The following TET1 variants were observed in gnomAD, a reference collection of about 807,000 sequenced individuals.
TET1 encodes methylcytosine dioxygenase TET1.
A neutral mutation model predicts 148.7 loss-of-function variants in TET1; 13 were observed. The observed-to-expected ratio is 0.09, with a 90% CI of 0.06 to 0.14. The LOEUF (loss-of-function observed/expected upper bound fraction) is 0.14. TET1 is among the 10% of genes least tolerant of loss of function. The pLI, the probability that TET1 is intolerant of heterozygous loss-of-function variation, is 1.00. For missense variants in TET1, 2,182 were observed against 2,553.8 expected (o/e 0.85, Z 3.14); for synonymous variants, 907 against 937.2 (o/e 0.97, Z 0.59).
intron 2 of TET1, among the ~76,000 whole-genome samples, chr10:68,597,227 T>G (rs2053999669): frequency 6.6e-6 from 1 of 151,584 alleles, no homozygotes. Flanking sequence ...AGAGATGAGG[T>G]TTCATCATAT....
Position 68,693,340 on chromosome 10 carries a change from T to G in TET1, c.*1526T>G, listed in dbSNP as rs749393230. 1.7e-5 allele frequency: 4 copies of G among 233,164 alleles called. No homozygotes were observed. The highest frequency in any genetic ancestry group is 3.4e-5 in the Non-Finnish European group (4 of 117,878). 14.4% of individuals were successfully genotyped at this position (233,164 alleles called of 1,614,324 possible). A position where few individuals can be genotyped will look rare whatever the true frequency, so the allele number is the denominator to read the frequency against. ...CAAAGTGTCAGATTCCTTGGGAGTA[T>G]GGAAAACCTAATGGTGCTTCTCCCT... On this transcript the variant is annotated 3_prime_UTR_variant, in exon 12 of 12. Transcript: ENST00000373644.
chr10:68,640,976 G>A (rs1399477121), intron 3 of TET1, among the ~76,000 whole-genome samples: 4 of 150,118 alleles, frequency 2.7e-5, no homozygotes, highest in Non-Finnish European at 3.0e-5. Flanking sequence ...TATGATGGTC[G>A]CATTTTAGTG....
At chr10:68,661,895 T>G (rs1304511101) in intron 6 of TET1, among the ~76,000 whole-genome samples, 10 of 101,742 alleles carry the variant, frequency 9.8e-5, no homozygotes, top group African/African-American at 2.8e-4. Context: ...TTTTTTTTTT[T>G]TGTGAGATGG....
At chr10:68,609,549 T>A (rs2054177462) in intron 3 of TET1, among the ~76,000 whole-genome samples, 1 of 152,226 alleles carries the variant, frequency 6.6e-6, no homozygotes, top group African/African-American at 2.4e-5. Flanking sequence ...TAAGCAATCA[T>A]CCTGCCTTAG....
rs935570059 is a variant in TET1, at chr10:68,646,498, G to A, written c.3769G>A (p.Val1257Ile). 6.8e-6 allele frequency: 11 copies of A among 1,614,062 alleles called. No homozygotes were observed. Among genetic ancestry groups the A allele is most frequent in the South Asian group, 1.1e-5 (1 of 91,088 alleles). The part of the protein sequence containing the change: ...YPESAEEKVK[V>I]EPLDSLSLFH... ...TGAATCAGCAGAGGAAAAGGTGAAG[G>A]TTGAACCATTGGATTCACTCAGCTT... is the stretch of plus-strand genomic sequence containing the variant. The change falls in exon 4 of 12, where the codon GTT (valine) becomes ATT (isoleucine). Residue 1257 changes from valine (V) to isoleucine (I), a missense_variant. Coordinates refer to ENST00000373644, the MANE Select transcript of TET1 (RefSeq NM_030625.3).
chr10:68,598,565 T>C (rs2054013825), intron 2 of TET1, among the ~76,000 whole-genome samples: 1 of 152,188 alleles, frequency 6.6e-6, no homozygotes, highest in Non-Finnish European at 1.5e-5. Context: ...GAGCTTCTTA[T>C]AGATAGTGTG....
chr10:68,656,448 G>A (rs1426549133), intron 6 of TET1, among the ~76,000 whole-genome samples: 1 of 152,142 alleles, frequency 6.6e-6, no homozygotes, highest in African/African-American at 2.4e-5. Context: ...ATTTTTAGTA[G>A]AGACGTGGTT....
rs576405399 is a variant in TET1 at position 68,665,258 on chromosome 10, G to A, written c.4462-1787G>A. Reference sequence around the variant, plus strand: ...AGATTCATTTTCTTTCATAAACTTTGGAACAATTGGTCAGTTTACACATAC... The same window carrying A: ...AGATTCATTTTCTTTCATAAACTTTAGAACAATTGGTCAGTTTACACATAC... On this transcript the variant is annotated intron_variant, in intron 6 of 11. Coordinates refer to ENST00000373644, the MANE Select transcript of TET1 (RefSeq NM_030625.3). Among the ~76,000 whole-genome samples, 3 of 141,870 alleles carry A rather than the reference G, an allele frequency of 2.1e-5. No homozygotes were observed. In the South Asian group the frequency reaches 7.0e-4, roughly 33 times the overall value. The allele number at this position is 141,870 out of a possible 152,430, so 93.1% of individuals were successfully genotyped here. A position where few individuals can be genotyped will look rare whatever the true frequency, so the allele number is the denominator to read the frequency against.
chr10:68,639,001 G>C (rs2054697884), intron 3 of TET1, among the ~76,000 whole-genome samples: 1 of 152,022 alleles, frequency 6.6e-6, no homozygotes, highest in African/African-American at 2.4e-5. Flanking sequence ...TCTTGCTTCA[G>C]GGTGGGTAGG....
chr10:68,627,762 C>CTA lies in TET1; in HGVS notation c.1969-16936_1969-16935insTA, dbSNP rs137960231. Among the ~76,000 whole-genome samples, 1,223 of 147,832 alleles carry CTA rather than the reference C, an allele frequency of 8.3e-3. 16 individuals are homozygous for CTA. Among genetic ancestry groups the CTA allele is most frequent in the African/African-American group, 0.027 (1,114 of 40,582 alleles). ...CCATCATGGTGAAACCCCGTCTCTA[C>CTA]CAAAAAAATAAAAAAATACAAAAAT... On this transcript the variant is annotated intron_variant, in intron 3 of 11. Coordinates refer to ENST00000373644, the MANE Select transcript of TET1 (RefSeq NM_030625.3).
At chr10:68,563,741 G>A (rs1441968180) in intron 1 of TET1, among the ~76,000 whole-genome samples, 1 of 152,224 alleles carries the variant, frequency 6.6e-6, no homozygotes, top group Admixed American at 6.5e-5. Flanking sequence ...GAGTGCAGTG[G>A]CATGATCTTG....
At chr10:68,666,380 G>A (rs962563162) in intron 6 of TET1, among the ~76,000 whole-genome samples, 1 of 152,158 alleles carries the variant, frequency 6.6e-6, no homozygotes, top group Non-Finnish European at 1.5e-5. Flanking sequence ...ATTCTCGATA[G>A]TAAAATGAGT....
At chr10:68,592,238 C>T (rs1029776453) in intron 2 of TET1, among the ~76,000 whole-genome samples, 61 of 152,130 alleles carry the variant, frequency 4.0e-4, no homozygotes, top group African/African-American at 1.3e-3. Context: ...ATTGCTTGAA[C>T]CCAGGAGGCA....
intron 6 of TET1, among the ~76,000 whole-genome samples, chr10:68,655,390 C>T (rs534676642): frequency 1.3e-5 from 2 of 152,266 alleles, no homozygotes; most frequent in African/African-American, 4.8e-5. Flanking sequence ...AATTGGTTCC[C>T]AATATCTGGC....
chr10:68,608,158 G>C (rs2054152558), intron 3 of TET1, among the ~76,000 whole-genome samples: 1 of 152,176 alleles, frequency 6.6e-6, no homozygotes, highest in East Asian at 1.9e-4. Flanking sequence ...TCAATCTCTT[G>C]ACCTCATGAT....
intron 7 of TET1, among the ~76,000 whole-genome samples, chr10:68,671,411 G>C (rs537985366): frequency 1.3e-5 from 2 of 152,278 alleles, no homozygotes; most frequent in African/African-American, 4.8e-5. Context: ...ACTATTCTGT[G>C]GTGTATGTGT....
chr10:68,596,204 G>A (rs896509464), intron 2 of TET1, among the ~76,000 whole-genome samples: 7 of 150,190 alleles, frequency 4.7e-5, no homozygotes, highest in African/African-American at 7.4e-5. Context: ...CATGCCCAGC[G>A]GAAGACATTT....
intron 3 of TET1, chr10:68,632,474 T>C: frequency 6.8e-6 from 11 of 1,612,854 alleles, no homozygotes; most frequent in Non-Finnish European, 9.3e-6. Flanking sequence ...CATTCAATAT[T>C]GTATGGTTCA....
chr10:68,649,434 G>A (rs537405045), intron 4 of TET1, among the ~76,000 whole-genome samples: 6 of 152,078 alleles, frequency 3.9e-5, no homozygotes, highest in East Asian at 3.9e-4. Context: ...GTGAAACCCC[G>A]TCTCTACTAA....
Sources: gnomAD v4.1 joint callset for allele counts (sites outside exome capture counted in the v4.1 genomes callset) on GRCh38, gnomAD v4.1.1 for gene constraint, MANE v1.5 for transcripts, NCBI Gene and HGNC (gene_info 2026-07-23, HGNC 2026-07-21) for gene names.